XPR1: variants seen among roughly 807,000 people sequenced by gnomAD.
XPR1 encodes the protein xenotropic and polytropic retrovirus receptor 1.
XPR1 carries 28 observed loss-of-function variants against 87.5 expected under a neutral mutation model. That is an observed-to-expected ratio of 0.32 (90% CI 0.24 to 0.44). The LOEUF (loss-of-function observed/expected upper bound fraction) is 0.44. Ranked by LOEUF, XPR1 falls within the 20% of genes least tolerant of loss-of-function variation. XPR1 has a pLI of 1.00. For synonymous variants in XPR1, 300 were observed against 306.1 expected (o/e 0.98, Z 0.21); for missense variants, 559 against 862.3 (o/e 0.65, Z 4.41).
At chr1:180,778,890 C>T (rs2102075751) in intron 2 of XPR1, among the ~76,000 whole-genome samples, 1 of 152,264 alleles carries the variant, frequency 6.6e-6, no homozygotes, top group South Asian at 2.1e-4. Context: ...CCCTAAAACT[C>T]ATCAATATTT....
chr1:180,632,225 C>A lies in XPR1; in HGVS notation c.24C>A (p.Ser8=). The part of the protein sequence containing the change: MKFAEHL[S]AHITPEWRKQ... Reference sequence around the variant, plus strand: ...GGATGAAGTTCGCCGAGCACCTCTCCGCGCACATCACTCCCGAGTGGAGGA... The same window carrying A: ...GGATGAAGTTCGCCGAGCACCTCTCAGCGCACATCACTCCCGAGTGGAGGA... Residue 8 remains serine, a synonymous_variant, in exon 1 of 15, where the codon TCC becomes TCA. Transcript: ENST00000367590. 1 of 1,611,608 alleles carries A rather than the reference C, an allele frequency of 6.2e-7. No individual in the cohort carries two copies. Among genetic ancestry groups the A allele is most frequent in the East Asian group, 2.2e-5 (1 of 44,732 alleles).
chr1:180,733,050 G>A (rs1658610272), intron 2 of XPR1, among the ~76,000 whole-genome samples: 3 of 152,140 alleles, frequency 2.0e-5, no homozygotes, highest in Admixed American at 1.3e-4. Context: ...GGTGCATGTC[G>A]GTGCATTCCT....
chr1:180,781,295 A>G (rs759828751), intron 2 of XPR1, among the ~76,000 whole-genome samples: 2 of 152,068 alleles, frequency 1.3e-5, no homozygotes, highest in Non-Finnish European at 2.9e-5. Flanking sequence ...TATGTCGTCT[A>G]TACAGATTTA....
chr1:180,845,764 A>ATGGCAGG (rs58188056), intron 11 of XPR1, among the ~76,000 whole-genome samples: 2 of 152,250 alleles, frequency 1.3e-5, no homozygotes, highest in Non-Finnish European at 2.9e-5. Flanking sequence ...TCCAAAGCTG[A>ATGGCAGG]CCTGAGCCTG....
intron 2 of XPR1, among the ~76,000 whole-genome samples, chr1:180,735,367 T>C (rs375374225): frequency 2.0e-5 from 3 of 152,212 alleles, no homozygotes; most frequent in East Asian, 3.8e-4. Flanking sequence ...ATGACATGTA[T>C]TCCAAACAAA....
intron 11 of XPR1, among the ~76,000 whole-genome samples, chr1:180,846,135 A>G (rs180861140): frequency 6.6e-6 from 1 of 151,708 alleles, no homozygotes; most frequent in Non-Finnish European, 1.5e-5. Flanking sequence ...AGTGGCATGC[A>G]CCTGTAATTC....
intron 2 of XPR1, among the ~76,000 whole-genome samples, chr1:180,682,818 ATGTG>A (rs368072502): frequency 4.0e-5 from 6 of 150,328 alleles, no homozygotes; most frequent in Admixed American, 6.6e-5. Flanking sequence ...TTTACAATGG[ATGTG>A]TGTGTGTGTG....
chr1:180,647,432 G>A (rs1359521136), intron 1 of XPR1, among the ~76,000 whole-genome samples: 1 of 152,238 alleles, frequency 6.6e-6, no homozygotes, highest in African/African-American at 2.4e-5. Context: ...TGAGACCACT[G>A]TTGTATATGT....
intron 1 of XPR1, among the ~76,000 whole-genome samples, chr1:180,641,505 A>G (rs1654960327): frequency 6.6e-6 from 1 of 152,182 alleles, no homozygotes; most frequent in Non-Finnish European, 1.5e-5. Flanking sequence ...GAGAACAATT[A>G]TGTGGCTGTG....
chr1:180,736,188 A>C (rs374288954), intron 2 of XPR1, among the ~76,000 whole-genome samples: 2 of 152,186 alleles, frequency 1.3e-5, no homozygotes, highest in African/African-American at 4.8e-5. Flanking sequence ...TTGAAGGTTG[A>C]ATTAACTAGG....
intron 2 of XPR1, among the ~76,000 whole-genome samples, chr1:180,778,718 A>G (rs1648820608): frequency 6.6e-6 from 1 of 152,172 alleles, no homozygotes; most frequent in Non-Finnish European, 1.5e-5. Context: ...TACTACCTTA[A>G]AAAAAATCAG....
At chr1:180,650,374 T>C (rs1655255643) in intron 1 of XPR1, among the ~76,000 whole-genome samples, 1 of 152,160 alleles carries the variant, frequency 6.6e-6, no homozygotes, top group Non-Finnish European at 1.5e-5. Context: ...TAGCTGAGAC[T>C]ACAGGTGCAC....
intron 2 of XPR1, among the ~76,000 whole-genome samples, chr1:180,695,930 A>T (rs928544583): frequency 1.3e-5 from 2 of 151,818 alleles, no homozygotes; most frequent in Non-Finnish European, 2.9e-5. Flanking sequence ...TTGTGGTTCC[A>T]TGCAAATTTT....
intron 2 of XPR1, among the ~76,000 whole-genome samples, chr1:180,760,649 T>C (rs1307834305): frequency 6.6e-6 from 1 of 152,184 alleles, no homozygotes; most frequent in East Asian, 1.9e-4. Context: ...TCCATGCTCA[T>C]GGGTAGGAAG....
At chr1:180,775,589 T>C (rs1360481173) in intron 2 of XPR1, among the ~76,000 whole-genome samples, 2 of 152,244 alleles carry the variant, frequency 1.3e-5, no homozygotes, top group South Asian at 4.1e-4. Context: ...GAACTAGGAT[T>C]ACTAATAGTT....
chr1:180,696,204 GTGTGTATA>G (rs1252002602), intron 2 of XPR1, among the ~76,000 whole-genome samples: 84 of 102,426 alleles, frequency 8.2e-4, no homozygotes, highest in Admixed American at 2.1e-3. Context: ...GTGTGTGTGT[GTGTGTATA>G]TATATATATA....
chr1:180,692,363 A>T (rs1179137804), intron 2 of XPR1, among the ~76,000 whole-genome samples: 1 of 152,098 alleles, frequency 6.6e-6, no homozygotes, highest in African/African-American at 2.4e-5. Context: ...ACAGATGGCT[A>T]AGAGTGGAGG....
At chr1:180,737,157 A>G (rs1658754364) in intron 2 of XPR1, among the ~76,000 whole-genome samples, 1 of 152,150 alleles carries the variant, frequency 6.6e-6, no homozygotes, top group East Asian at 1.9e-4. Flanking sequence ...ACACCTTGGT[A>G]TGTGGCAGGG....
intron 11 of XPR1, among the ~76,000 whole-genome samples, chr1:180,863,055 G>A (rs1652272541): frequency 6.6e-6 from 1 of 152,118 alleles, no homozygotes; most frequent in South Asian, 2.1e-4. Context: ...TTACTTTATA[G>A]TGTTCCCAGC....
Sources: allele counts gnomAD v4.1 joint callset (sites outside exome capture counted in the v4.1 genomes callset), GRCh38; gene constraint gnomAD v4.1.1; transcripts MANE v1.5; gene names NCBI Gene and HGNC (gene_info 2026-07-23, HGNC 2026-07-21).